The following PLCL1 variants were observed in gnomAD, a reference collection of about 807,000 sequenced individuals.
The protein encoded by PLCL1 is phospholipase C like 1 (inactive), also known as inactive phospholipase C-like protein 1.
In PLCL1, 41 loss-of-function variants were observed where a neutral mutation model predicts 84.4. That is an observed-to-expected ratio of 0.49 (90% CI 0.38 to 0.63). The LOEUF (loss-of-function observed/expected upper bound fraction) is 0.63, where lower values mean the gene tolerates loss of function less well. Among genes scored for constraint, PLCL1 ranks in the 30% least tolerant of loss-of-function variants. PLCL1 has a pLI of 0.00. For missense variants in PLCL1, 1,206 were observed against 1,367.8 expected, an observed-to-expected ratio of 0.88 and a Z score of 1.87; for synonymous variants, 490 against 488.3, an observed-to-expected ratio of 1.00 and a Z score of -0.05.
intron 1 of PLCL1, among the ~76,000 whole-genome samples, chr2:197,842,318 C>A (rs1486157154): frequency 6.6e-6 from 1 of 152,122 alleles, no homozygotes; most frequent in Non-Finnish European, 1.5e-5. Flanking sequence ...CCAGTGCCAT[C>A]TCTGGGAACC....
In PLCL1 at chr2:197,971,591, T is replaced by G. The variant is rs74677619; in HGVS notation, c.241-112167T>G. ...ATACTCTCATCAAAAGACCATAGAA[T>G]TAGCAAAAACTTGTCCACAAACCAA... On this transcript the variant is annotated intron_variant, in intron 1 of 5. Coordinates refer to ENST00000428675, the MANE Select transcript of PLCL1 (RefSeq NM_006226.4). Among the ~76,000 whole-genome samples, 1,458 of 152,238 alleles carry G rather than the reference T, an allele frequency of 9.6e-3. 27 individuals are homozygous for G. Among genetic ancestry groups the G allele is most frequent in the African/African-American group, 0.033 (1,387 of 41,530 alleles).
intron 3 of PLCL1, among the ~76,000 whole-genome samples, chr2:198,093,875 A>G (rs1375970660): frequency 2.0e-5 from 3 of 152,124 alleles, no homozygotes; most frequent in Non-Finnish European, 4.4e-5. Context: ...ATAAAATAAA[A>G]TATTCTAGAA....
intron 1 of PLCL1, among the ~76,000 whole-genome samples, chr2:197,992,590 G>A (rs1032601867): frequency 6.6e-6 from 1 of 152,030 alleles, no homozygotes; most frequent in Non-Finnish European, 1.5e-5. Context: ...AGTTATAATT[G>A]TGTGATTTTA....
chr2:198,068,952 G>A (rs571533277), intron 1 of PLCL1, among the ~76,000 whole-genome samples: 1 of 151,846 alleles, frequency 6.6e-6, no homozygotes, highest in Non-Finnish European at 1.5e-5. Flanking sequence ...GGAGAATGGC[G>A]TGAACCCAGG....
chr2:198,096,047 A>G (rs1252807308), intron 3 of PLCL1, among the ~76,000 whole-genome samples: 1 of 152,228 alleles, frequency 6.6e-6, no homozygotes, highest in Non-Finnish European at 1.5e-5. Context: ...ATTCAACTAA[A>G]CAAGAATATT....
chr2:197,941,070 T>C (rs1689149436), intron 1 of PLCL1, among the ~76,000 whole-genome samples: 1 of 152,190 alleles, frequency 6.6e-6, no homozygotes. Flanking sequence ...CATATCTTGC[T>C]GAAAGTTCTA....
rs541438187 is a variant in PLCL1 at position 198,055,066 on chromosome 2, T to C, written c.241-28692T>C. Among the ~76,000 whole-genome samples the C allele has an allele frequency of 2.9e-4, 44 of 152,148 alleles. No individual in the cohort carries two copies. The South Asian group carries it at 9.1e-3, about 32-fold the overall frequency. ...GTTGGGAAAGAAAAGAAGAGTCTAATAAATGAAGACAAACAGGAAACCCTT... is the reference window on the plus strand; with the variant it reads ...GTTGGGAAAGAAAAGAAGAGTCTAACAAATGAAGACAAACAGGAAACCCTT... On this transcript the variant is annotated intron_variant, in intron 1 of 5. Coordinates refer to ENST00000428675, the MANE Select transcript of PLCL1 (RefSeq NM_006226.4).
chr2:197,816,708 G>A (rs1199677300), intron 1 of PLCL1, among the ~76,000 whole-genome samples: 2 of 152,082 alleles, frequency 1.3e-5, no homozygotes, highest in Non-Finnish European at 2.9e-5. Flanking sequence ...GAGCATTTAA[G>A]TTTCCAGTCC....
intron 1 of PLCL1, among the ~76,000 whole-genome samples, chr2:197,990,314 C>G (rs966431764): frequency 6.6e-6 from 1 of 152,172 alleles, no homozygotes; most frequent in Non-Finnish European, 1.5e-5. Flanking sequence ...TTTAAACATG[C>G]CTTTTAAAGC....
At chr2:197,979,247 G>A (rs1690053539) in intron 1 of PLCL1, among the ~76,000 whole-genome samples, 1 of 152,146 alleles carries the variant, frequency 6.6e-6, no homozygotes, top group South Asian at 2.1e-4. Context: ...AACTAAAATT[G>A]TTCCCGTGGT....
chr2:198,065,981 C>T (rs1296046086), intron 1 of PLCL1, among the ~76,000 whole-genome samples: 1 of 151,988 alleles, frequency 6.6e-6, no homozygotes, highest in Non-Finnish European at 1.5e-5. Context: ...GTGTCAAATT[C>T]CTAATTATAC....
intron 1 of PLCL1, among the ~76,000 whole-genome samples, chr2:197,860,533 G>A (rs1439119376): frequency 1.3e-5 from 2 of 152,042 alleles, no homozygotes; most frequent in Non-Finnish European, 2.9e-5. Context: ...AACTTCACCA[G>A]GATCTGTTAT....
chr2:197,930,206 T>C (rs1688905842), intron 1 of PLCL1, among the ~76,000 whole-genome samples: 1 of 152,212 alleles, frequency 6.6e-6, no homozygotes, highest in Non-Finnish European at 1.5e-5. Context: ...TCATAAGACT[T>C]ACCACATATC....
At chr2:198,125,427 G>C (rs1693962057) in intron 5 of PLCL1, among the ~76,000 whole-genome samples, 1 of 151,994 alleles carries the variant, frequency 6.6e-6, no homozygotes, top group African/African-American at 2.4e-5. Context: ...ACAACATGTG[G>C]TTTACAGATA....
At chr2:197,889,846 T>C (rs1477950127) in intron 1 of PLCL1, among the ~76,000 whole-genome samples, 2 of 152,214 alleles carry the variant, frequency 1.3e-5, no homozygotes, top group Non-Finnish European at 2.9e-5. Context: ...TTCTTTAAGC[T>C]ATCTTGAGTT....
chr2:197,865,389 T>G (rs73990719), intron 1 of PLCL1, among the ~76,000 whole-genome samples: 1 of 152,102 alleles, frequency 6.6e-6, no homozygotes, highest in Non-Finnish European at 1.5e-5. Flanking sequence ...TTTTCAAAAA[T>G]TGGAAAGTAA....
At chr2:198,059,521 T>C (rs1692143251) in intron 1 of PLCL1, among the ~76,000 whole-genome samples, 1 of 152,290 alleles carries the variant, frequency 6.6e-6, no homozygotes, top group African/African-American at 2.4e-5. Context: ...GCATTTCATT[T>C]GTGGAGGAAG....
At chr2:197,879,359 T>G (rs532891478) in intron 1 of PLCL1, among the ~76,000 whole-genome samples, 6 of 152,296 alleles carry the variant, frequency 3.9e-5, no homozygotes, top group Admixed American at 6.5e-5. Flanking sequence ...AGAACACAAA[T>G]GCCTAAAATG....
At chr2:198,082,957 A>G (rs771967856) in intron 1 of PLCL1, among the ~76,000 whole-genome samples, 8 of 152,226 alleles carry the variant, frequency 5.3e-5, no homozygotes, top group Non-Finnish European at 1.0e-4. Flanking sequence ...TGTAACACTA[A>G]GATCCAAGGA....
Sources: gnomAD v4.1 joint callset for allele counts (sites outside exome capture counted in the v4.1 genomes callset) on GRCh38, gnomAD v4.1.1 for gene constraint, MANE v1.5 for transcripts, NCBI Gene and HGNC (gene_info 2026-07-23, HGNC 2026-07-21) for gene names.